Variants in CXADR observed in about 807,000 individuals in gnomAD.
CXADR encodes the protein coxsackievirus and adenovirus receptor.
In CXADR, 20 loss-of-function variants were observed where a neutral mutation model predicts 40.3. The observed-to-expected ratio is 0.50, with a 90% CI of 0.35 to 0.72. The LOEUF is 0.72. Ranked by LOEUF, CXADR falls within the 30% of genes least tolerant of loss-of-function variation. CXADR has a pLI of 0.01. For synonymous variants in CXADR, 150 were observed against 161.3 expected (o/e 0.93, Z 0.53); for missense variants, 332 against 449.1 (o/e 0.74, Z 2.36).
chr21:17,602,062 G>C, the CXADR span, among the ~76,000 whole-genome samples: 1 of 151,528 alleles, frequency 6.6e-6, no homozygotes, highest in Admixed American at 6.6e-5. Context: ...ATTTTTCAAT[G>C]ATCACTGATA....
chr21:17,536,374 C>T (rs1029392483), intron 1 of CXADR, among the ~76,000 whole-genome samples: 1 of 152,172 alleles, frequency 6.6e-6, no homozygotes, highest in Non-Finnish European at 1.5e-5. Flanking sequence ...ATTCCCTGAG[C>T]TGTTTCTCCC....
At chr21:17,632,282 A>T in the CXADR span, among the ~76,000 whole-genome samples, 6 of 152,094 alleles carry the variant, frequency 3.9e-5, no homozygotes, top group Non-Finnish European at 7.3e-5. Context: ...AGGGTTTTAT[A>T]GTCTGTGTTA....
the CXADR span, chr21:17,604,080 TA>T: frequency 2.5e-6 from 3 of 1,216,688 alleles, no homozygotes; most frequent in African/African-American, 4.9e-5. Flanking sequence ...CTCTATTCAT[TA>T]GGAGATGTGA....
chr21:17,538,687 A>C (rs1410434935), intron 1 of CXADR, among the ~76,000 whole-genome samples: 1 of 152,128 alleles, frequency 6.6e-6, no homozygotes, highest in Non-Finnish European at 1.5e-5. Context: ...ATGGTGGCAC[A>C]TACCTGTAGT....
downstream of CXADR, chr21:17,593,713 C>A: frequency 5.9e-6 from 1 of 170,288 alleles, no homozygotes; most frequent in Non-Finnish European, 1.2e-5. Flanking sequence ...TCTTAAACAA[C>A]GACATAAAAT....
chr21:17,517,507 T>C (rs1327753551), intron 1 of CXADR, among the ~76,000 whole-genome samples: 2 of 152,166 alleles, frequency 1.3e-5, no homozygotes, highest in Non-Finnish European at 2.9e-5. Context: ...CCTATTTTCT[T>C]CTGATTCAAA....
At chr21:17,575,522 G>T (rs1180867920) in intron 7 of CXADR, among the ~76,000 whole-genome samples, 1 of 146,066 alleles carries the variant, frequency 6.8e-6, no homozygotes, top group Non-Finnish European at 1.5e-5. Flanking sequence ...GCGGAGTCTC[G>T]CTCCGTTGCC....
chr21:17,588,214 C>T (rs944565293), intron 7 of CXADR, among the ~76,000 whole-genome samples: 3 of 152,036 alleles, frequency 2.0e-5, no homozygotes, highest in Non-Finnish European at 2.9e-5. Context: ...GTTGGCAATG[C>T]GGGCTCTTTT....
intron 1 of CXADR, among the ~76,000 whole-genome samples, chr21:17,541,022 A>C (rs778407690): frequency 1.5e-4 from 23 of 152,150 alleles, no homozygotes; most frequent in Non-Finnish European, 3.2e-4. Flanking sequence ...GAAAGTACAG[A>C]GTTCCCCTGT....
chr21:17,631,771 CATTT>C, the CXADR span, among the ~76,000 whole-genome samples: 1 of 152,138 alleles, frequency 6.6e-6, no homozygotes, highest in African/African-American at 2.4e-5. Flanking sequence ...AAGCTAAAGA[CATTT>C]ATTTGTTTTG....
chr21:17,516,952 GA>G (rs145427962), intron 1 of CXADR, among the ~76,000 whole-genome samples: 4,557 of 150,992 alleles, frequency 0.03, 243 homozygotes, highest in African/African-American at 0.1. Flanking sequence ...ATGAAAAATA[GA>G]AAAAAAACAG....
intron 3 of CXADR, among the ~76,000 whole-genome samples, chr21:17,552,719 T>C (rs1249509992): frequency 1.3e-5 from 2 of 152,140 alleles, no homozygotes; most frequent in African/African-American, 4.8e-5. Context: ...GACAGTAAAT[T>C]CCCCTGTCCT....
intron 1 of CXADR, 75 bp downstream of exon 1, chr21:17,513,247 A>G (rs1161692392): frequency 2.5e-5 from 31 of 1,264,074 alleles, no homozygotes; most frequent in Non-Finnish European, 2.9e-5. Flanking sequence ...CCCAGGAACA[A>G]TGGGGCGTGG....
At chr21:17,610,063 A>C in the CXADR span, among the ~76,000 whole-genome samples, 1 of 152,254 alleles carries the variant, frequency 6.6e-6, no homozygotes, top group Non-Finnish European at 1.5e-5. Context: ...TAAGGGAAAG[A>C]AGCCAGTCAC....
the CXADR span, among the ~76,000 whole-genome samples, chr21:17,634,785 C>T: frequency 6.6e-6 from 1 of 152,036 alleles, no homozygotes; most frequent in Admixed American, 6.6e-5. Flanking sequence ...TGCTATATTG[C>T]CCAGGCTATA....
At chr21:17,543,078 C>T (rs759817746) in intron 1 of CXADR, 1 of 336,330 alleles carries the variant, frequency 3.0e-6, no homozygotes, top group South Asian at 2.4e-5. Context: ...GAAAGAAAAA[C>T]AAAAAACAAA....
chr21:17,566,705 A>G lies in CXADR; in HGVS notation c.*1013A>G. ...GATGGTGTTACATATTATATGTTCT[A>G]GAAACATGTAATCCTAAATTTACCC... On this transcript the variant is annotated 3_prime_UTR_variant, in exon 7 of 7. Coordinates refer to ENST00000284878, the MANE Select transcript of CXADR (RefSeq NM_001338.5). The G allele has an allele frequency of 7.2e-6, 7 of 972,132 alleles. No homozygotes were observed. Among genetic ancestry groups the G allele is most frequent in the Non-Finnish European group, 7.3e-6 (6 of 817,884 alleles). The allele number at this position is 972,132 out of a possible 1,614,324, so 60.2% of individuals were successfully genotyped here.
chr21:17,604,745 A>T, the CXADR span: 3 of 1,277,046 alleles, frequency 2.3e-6, no homozygotes, highest in Non-Finnish European at 3.2e-6. Flanking sequence ...CATCTGAGAG[A>T]GTTAAACCAC....
the CXADR span, among the ~76,000 whole-genome samples, chr21:17,622,276 AC>A: frequency 6.6e-6 from 1 of 151,654 alleles, no homozygotes; most frequent in Admixed American, 6.6e-5. Flanking sequence ...GCTTGTTCCC[AC>A]CCCACCCCAG....
Sources: gnomAD v4.1 joint callset for allele counts (sites outside exome capture counted in the v4.1 genomes callset) on GRCh38, gnomAD v4.1.1 for gene constraint, MANE v1.5 for transcripts, NCBI Gene and HGNC (gene_info 2026-07-23, HGNC 2026-07-21) for gene names.